The following MCPH1 variants were observed in gnomAD, a reference collection of about 807,000 sequenced individuals.
The protein encoded by MCPH1 is microcephalin.
MCPH1 carries 104 observed loss-of-function variants against 84.5 expected under a neutral mutation model. The ratio of observed to expected loss-of-function variants is 1.23; its 90% CI spans 1.05 to 1.45. The LOEUF (loss-of-function observed/expected upper bound fraction) is 1.45, where lower values mean the gene tolerates loss of function less well. MCPH1 is among the 40% of genes most tolerant of loss of function. The pLI, the probability that MCPH1 is intolerant of heterozygous loss-of-function variation, is 0.00. For synonymous variants in MCPH1, 514 were observed against 366.8 expected, an observed-to-expected ratio of 1.40 and a Z score of -4.58; for missense variants, 1,498 against 1,005.7, an observed-to-expected ratio of 1.49 and a Z score of -6.62.
chr8:6,467,863 G>C (rs530312055), intron 9 of MCPH1, among the ~76,000 whole-genome samples: 1 of 152,324 alleles, frequency 6.6e-6, no homozygotes, highest in South Asian at 2.1e-4. Flanking sequence ...CTCCCAAAGT[G>C]CTGGGATTAT....
chr8:6,427,361 G>A (rs576056140), intron 3 of MCPH1, among the ~76,000 whole-genome samples: 1 of 152,184 alleles, frequency 6.6e-6, no homozygotes, highest in African/African-American at 2.4e-5. Flanking sequence ...TGGAGCAACT[G>A]TATTAACTGA....
chr8:6,629,012 T>TA (rs1376347437), intron 13 of MCPH1, among the ~76,000 whole-genome samples: 1 of 152,210 alleles, frequency 6.6e-6, no homozygotes, highest in Non-Finnish European at 1.5e-5. Context: ...GAGCTCATGT[T>TA]ATGGGCTGAA....
intron 12 of MCPH1, among the ~76,000 whole-genome samples, chr8:6,509,503 A>C (rs1047699638): frequency 1.3e-5 from 2 of 152,198 alleles, no homozygotes; most frequent in African/African-American, 4.8e-5. Flanking sequence ...GCAGACAAGG[A>C]ATGGCCACTG....
In MCPH1 at chr8:6,444,892, G is replaced by A. The variant is rs749738376; in HGVS notation, c.1170G>A (p.Ser390=). ...SIMPRLQLCR[S]EDRLQHVAGP... is the part of the protein sequence containing the mutation. The stretch of plus-strand genomic sequence containing the variant: ...TGCCGAGGCTGCAGCTGTGCAGGTC[G>A]GAAGACAGGCTGCAGCACGTGGCGG... Residue 390 remains serine, a synonymous_variant, in exon 8 of 14, where the codon TCG becomes TCA. Transcript: ENST00000344683. The A allele has an allele frequency of 3.7e-6, 6 of 1,614,000 alleles. No individual in the cohort carries two copies. Among genetic ancestry groups the A allele is most frequent in the African/African-American group, 2.7e-5 (2 of 74,918 alleles).
chr8:6,532,974 G>A (rs923765282), intron 12 of MCPH1, among the ~76,000 whole-genome samples: 3 of 152,236 alleles, frequency 2.0e-5, no homozygotes, highest in Non-Finnish European at 2.9e-5. Context: ...CAGCATATAA[G>A]GAGAGGAGCA....
intron 11 of MCPH1, among the ~76,000 whole-genome samples, chr8:6,496,056 T>C (rs1811185659): frequency 6.6e-6 from 1 of 152,228 alleles, no homozygotes. Flanking sequence ...ATTACACTTA[T>C]TGTACACTTT....
At chr8:6,504,271 T>G (rs544199859) in intron 12 of MCPH1, among the ~76,000 whole-genome samples, 1 of 136,028 alleles carries the variant, frequency 7.4e-6, no homozygotes, top group Non-Finnish European at 1.5e-5. Context: ...TGAGCCGAGA[T>G]CGCGCCACTG....
At chr8:6,409,493 G>A (rs1798239368) in intron 2 of MCPH1, 123 bp downstream of exon 2, 5 of 781,542 alleles carry the variant, frequency 6.4e-6, no homozygotes, top group Non-Finnish European at 8.7e-6. Context: ...GGTAAGCGGT[G>A]GGAGAAAAAA....
At chr8:6,539,797 G>C (rs776810538) in intron 12 of MCPH1, among the ~76,000 whole-genome samples, 9 of 152,160 alleles carry the variant, frequency 5.9e-5, no homozygotes, top group Non-Finnish European at 1.2e-4. Context: ...ATGTTGGTCA[G>C]GCTGGTCTGA....
intron 9 of MCPH1, among the ~76,000 whole-genome samples, chr8:6,455,847 T>C (rs962097641): frequency 1.3e-5 from 2 of 152,168 alleles, no homozygotes; most frequent in Admixed American, 6.5e-5. Context: ...TTGTGCCTCA[T>C]TTTTATGAGG....
intron 12 of MCPH1, among the ~76,000 whole-genome samples, chr8:6,534,060 A>T (rs1201981867): frequency 6.6e-6 from 1 of 152,030 alleles, no homozygotes; most frequent in East Asian, 1.9e-4. Context: ...CATGCCCCTC[A>T]GCCTGGTCAC....
chr8:6,495,856 A>T (rs1319286859), intron 11 of MCPH1, among the ~76,000 whole-genome samples: 2 of 152,224 alleles, frequency 1.3e-5, no homozygotes, highest in Non-Finnish European at 2.9e-5. Flanking sequence ...AATCAACTAC[A>T]TTCCTATGGC....
chr8:6,610,719 C>T (rs1830181682), intron 12 of MCPH1, among the ~76,000 whole-genome samples: 1 of 152,134 alleles, frequency 6.6e-6, no homozygotes, highest in Non-Finnish European at 1.5e-5. Context: ...GTTATCTTTA[C>T]TTTCCCAGAG....
At chr8:6,543,752 T>C (rs1214504209) in intron 12 of MCPH1, among the ~76,000 whole-genome samples, 1 of 152,218 alleles carries the variant, frequency 6.6e-6, no homozygotes, top group Non-Finnish European at 1.5e-5. Context: ...CTTCGACCTC[T>C]GGTTCAGTTC....
At chr8:6,495,543 C>G (rs1417205866) in intron 11 of MCPH1, among the ~76,000 whole-genome samples, 2 of 152,180 alleles carry the variant, frequency 1.3e-5, no homozygotes, top group East Asian at 3.8e-4. Context: ...GACAAAGGAT[C>G]TATAAAATCT....
At position 6,646,119 on chromosome 8, in the gene MCPH1, A is replaced by C. The variant is rs1798205053; in HGVS notation, c.*3070A>C. 1 of 152,214 alleles carries C rather than the reference A, an allele frequency of 6.6e-6. No homozygotes were observed. Among genetic ancestry groups the C allele is most frequent in the African/African-American group, 2.4e-5 (1 of 41,464 alleles). The allele number at this position is 152,214 out of a possible 1,614,324, so 9.4% of individuals were successfully genotyped here. On this transcript the variant is annotated 3_prime_UTR_variant, in exon 14 of 14. Transcript: ENST00000344683. ...GAACCTGATTCCAAAACTGTCAGTAAAACTACAATAATTACAAAGTATCAG... is the reference window on the plus strand; with the variant it reads ...GAACCTGATTCCAAAACTGTCAGTACAACTACAATAATTACAAAGTATCAG...
At position 6,605,630 on chromosome 8, in the gene MCPH1, C is replaced by T. The variant is rs377472013; in HGVS notation, c.2215-15824C>T. Among the ~76,000 whole-genome samples, 183 of 152,298 alleles carry T rather than the reference C, an allele frequency of 1.2e-3. 1 individual carries two copies. The highest frequency in any genetic ancestry group is 4.2e-3 in the African/African-American group (176 of 41,566). On this transcript the variant is annotated intron_variant, in intron 12 of 13. Coordinates refer to ENST00000344683, the MANE Select transcript of MCPH1 (RefSeq NM_024596.5). ...TGAAGTCAGTGGCTGCTGATCTGGG[C>T]CTTCCCCAGAAGGATGCCAAGAGAT...
intron 12 of MCPH1, among the ~76,000 whole-genome samples, chr8:6,612,087 G>C (rs1347541897): frequency 1.3e-5 from 2 of 152,148 alleles, no homozygotes; most frequent in East Asian, 1.9e-4. Context: ...CACCTCATTA[G>C]CATACACGCA....
chr8:6,627,163 C>T (rs762569281), intron 13 of MCPH1: 39 of 985,270 alleles, frequency 4.0e-5, no homozygotes, highest in South Asian at 1.4e-4. Flanking sequence ...GAAAAATGCA[C>T]GACGCTCCCA....
Sources: allele counts gnomAD v4.1 joint callset (sites outside exome capture counted in the v4.1 genomes callset), GRCh38; gene constraint gnomAD v4.1.1; transcripts MANE v1.5; gene names NCBI Gene and HGNC (gene_info 2026-07-23, HGNC 2026-07-21).